The following KLF12 variants were observed in gnomAD, a reference collection of about 807,000 sequenced individuals.
KLF12 encodes KLF transcription factor 12.
In KLF12, 9 loss-of-function variants were observed where a neutral mutation model predicts 37.8. That is an observed-to-expected ratio of 0.24 (90% confidence interval 0.14 to 0.42). The LOEUF is 0.42. Among genes scored for constraint, KLF12 ranks in the 10% least tolerant of loss-of-function variants. The pLI is 1.00. For synonymous variants in KLF12, 208 were observed against 202.1 expected, an observed-to-expected ratio of 1.03 and a Z score of -0.25; for missense variants, 411 against 516.0, an observed-to-expected ratio of 0.80 and a Z score of 1.97.
chr13:74,125,885 C>T (rs1368222988), intron 1 of KLF12, among the ~76,000 whole-genome samples: 7 of 152,146 alleles, frequency 4.6e-5, no homozygotes, highest in Middle Eastern at 3.2e-3. Context: ...TGGAATATTA[C>T]GTTTAATGAT....
intron 6 of KLF12, among the ~76,000 whole-genome samples, chr13:73,747,022 G>T (rs1164811846): frequency 6.6e-6 from 1 of 151,798 alleles, no homozygotes; most frequent in African/African-American, 2.4e-5. Flanking sequence ...TCACCATGTT[G>T]GTCAGGCTGG....
chr13:74,040,033 T>G (rs1287172403), intron 1 of KLF12, among the ~76,000 whole-genome samples: 1 of 152,272 alleles, frequency 6.6e-6, no homozygotes, highest in Non-Finnish European at 1.5e-5. Flanking sequence ...GTGGGTTTAA[T>G]GCATTAAAAT....
At chr13:73,719,255 G>A (rs1301204579) in intron 6 of KLF12, among the ~76,000 whole-genome samples, 7 of 152,120 alleles carry the variant, frequency 4.6e-5, no homozygotes, top group African/African-American at 1.7e-4. Flanking sequence ...AGAGTGCTGC[G>A]TTGTGTTGGG....
rs5804694 is a variant in KLF12 at position 73,796,507 on chromosome 13, CTGTG to C, written c.806+16641_806+16644del. 7.9e-3 allele frequency among the ~76,000 whole-genome samples: 1,114 copies of C among 140,222 alleles called. 6 individuals are homozygous for C. Among genetic ancestry groups the C allele is most frequent in the Admixed American group, 0.013 (177 of 13,774 alleles). 92.0% of individuals were successfully genotyped at this position (140,222 alleles called of 152,430 possible). Reference sequence around the variant, plus strand: ...CTGTCTCTTTCTCCCTGCCCCTGTGCTGTGTGTGTGTGTGTGTGTGTGTGTGTGT... The same window carrying C: ...CTGTCTCTTTCTCCCTGCCCCTGTGCTGTGTGTGTGTGTGTGTGTGTGTGT... On this transcript the variant is annotated intron_variant, in intron 5 of 7. Transcript: ENST00000377669.
intron 1 of KLF12, among the ~76,000 whole-genome samples, chr13:74,038,503 T>C (rs1893316895): frequency 6.6e-6 from 1 of 152,186 alleles, no homozygotes; most frequent in African/African-American, 2.4e-5. Context: ...ACAATCGTAC[T>C]CGACATGGAG....
intron 6 of KLF12, among the ~76,000 whole-genome samples, chr13:73,730,095 G>T (rs909325950): frequency 3.9e-5 from 6 of 151,976 alleles, no homozygotes; most frequent in Non-Finnish European, 5.9e-5. Flanking sequence ...CCCATCTGAG[G>T]GTCTAGTAAG....
rs1275748841 is a variant in KLF12 at position 73,715,515 on chromosome 13, G to C, written c.880C>G (p.Pro294Ala). ...CGTCTTGTGCTCTCAATACTAAATG[G>C]TGAAATTGAACTGGAAAAAGAAAAA... is the stretch of plus-strand genomic sequence containing the variant. The change falls in exon 7 of 8, where the codon CCA becomes GCA. Residue 294 changes from proline (P) to alanine (A), a missense_variant. Physicochemically the swap from Pro to Ala is conservative, Grantham distance 27. Coordinates refer to ENST00000377669, the MANE Select transcript of KLF12 (RefSeq NM_007249.5). 6.2e-7 allele frequency: 1 copy of C among 1,613,002 alleles called. No homozygotes were observed. Among genetic ancestry groups the C allele is most frequent in the East Asian group, 2.2e-5 (1 of 44,876 alleles).
intron 6 of KLF12, among the ~76,000 whole-genome samples, chr13:73,743,091 T>C (rs1192127462): frequency 6.6e-6 from 1 of 152,104 alleles, no homozygotes; most frequent in Admixed American, 6.6e-5. Context: ...GAAAATCCTG[T>C]TTCTGTTAGT....
At chr13:74,178,539 C>T in the KLF12 span, among the ~76,000 whole-genome samples, 3 of 152,162 alleles carry the variant, frequency 2.0e-5, no homozygotes, top group Non-Finnish European at 2.9e-5. Flanking sequence ...GTCTTAGAAA[C>T]ACCAGAGGAG....
the KLF12 span, among the ~76,000 whole-genome samples, chr13:74,301,551 T>A: frequency 6.6e-6 from 1 of 152,176 alleles, no homozygotes; most frequent in Non-Finnish European, 1.5e-5. Flanking sequence ...TGAAAGGTTA[T>A]TCCCTGCAAG....
At chr13:74,067,401 A>G (rs755340642) in intron 1 of KLF12, among the ~76,000 whole-genome samples, 16 of 152,262 alleles carry the variant, frequency 1.1e-4, no homozygotes, top group Non-Finnish European at 1.8e-4. Context: ...CCTAATTATT[A>G]CATTAGATAT....
At chr13:73,735,233 G>C (rs1877367957) in intron 6 of KLF12, among the ~76,000 whole-genome samples, 1 of 152,040 alleles carries the variant, frequency 6.6e-6, no homozygotes, top group East Asian at 1.9e-4. Flanking sequence ...GGGAGTTTGA[G>C]GCTGCAGTGA....
chr13:74,251,193 C>G, the KLF12 span, among the ~76,000 whole-genome samples: 11 of 152,006 alleles, frequency 7.2e-5, no homozygotes, highest in Admixed American at 3.3e-4. Context: ...ATTCTATCAC[C>G]CAGGCTGGAG....
At chr13:74,007,615 C>T (rs140619231) in intron 1 of KLF12, among the ~76,000 whole-genome samples, 8 of 152,106 alleles carry the variant, frequency 5.3e-5, no homozygotes, top group African/African-American at 9.6e-5. Flanking sequence ...CAGCTAATGT[C>T]GGAGGTTCTA....
chr13:74,074,602 C>T (rs976422759), intron 1 of KLF12, among the ~76,000 whole-genome samples: 28 of 152,038 alleles, frequency 1.8e-4, no homozygotes, highest in African/African-American at 5.8e-4. Flanking sequence ...CTCTTAATAC[C>T]ATCACATTGG....
At chr13:73,825,015 G>A (rs762705191) in intron 4 of KLF12, among the ~76,000 whole-genome samples, 6 of 152,028 alleles carry the variant, frequency 3.9e-5, no homozygotes, top group East Asian at 1.9e-4. Flanking sequence ...GTTGCAGTGC[G>A]CTGAGATTGC....
the KLF12 span, among the ~76,000 whole-genome samples, chr13:74,256,154 CAAAAAA>C: frequency 1.3e-5 from 1 of 75,620 alleles, no homozygotes; most frequent in Non-Finnish European, 2.9e-5. Flanking sequence ...GACTCTGTCT[CAAAAAA>C]AAAAAAAAAA....
chr13:74,134,378 G>C (rs890198416), upstream of KLF12, among the ~76,000 whole-genome samples: 1 of 151,568 alleles, frequency 6.6e-6, no homozygotes, highest in African/African-American at 2.4e-5. Context: ...CGCTCCGCCC[G>C]AGGATTAGGA....
At chr13:74,167,591 C>T in the KLF12 span, among the ~76,000 whole-genome samples, 1 of 152,098 alleles carries the variant, frequency 6.6e-6, no homozygotes, top group African/African-American at 2.4e-5. Flanking sequence ...AACATTAAGC[C>T]CGTCAATTTG....
Sources: gnomAD v4.1 joint callset for allele counts (sites outside exome capture counted in the v4.1 genomes callset) on GRCh38, gnomAD v4.1.1 for gene constraint, MANE v1.5 for transcripts, NCBI Gene and HGNC (gene_info 2026-07-23, HGNC 2026-07-21) for gene names.